The following PRKAR1A variants were observed in gnomAD, a reference collection of about 807,000 sequenced individuals.
The protein encoded by PRKAR1A is cAMP-dependent protein kinase type I-alpha regulatory subunit.
Under a neutral mutation model 52.0 loss-of-function variants are expected in PRKAR1A, and 3 were observed. The ratio of observed to expected loss-of-function variants is 0.06; its 90% confidence interval spans 0.03 to 0.15. The LOEUF (loss-of-function observed/expected upper bound fraction) is 0.15, where lower values mean the gene tolerates loss of function less well. Ranked by LOEUF, PRKAR1A falls within the 10% of genes least tolerant of loss-of-function variation. PRKAR1A has a pLI of 1.00. For missense variants in PRKAR1A, 240 were observed against 477.4 expected (o/e 0.50, Z 4.63); for synonymous variants, 188 against 168.4 (o/e 1.12, Z -0.90).
At chr17:68,501,647 G>A in the PRKAR1A span, among the ~76,000 whole-genome samples, 1 of 152,194 alleles carries the variant, frequency 6.6e-6, no homozygotes, top group South Asian at 2.1e-4. Context: ...TGTAGAGAGG[G>A]ACATCTCACT....
the PRKAR1A span, among the ~76,000 whole-genome samples, chr17:68,474,384 T>G: frequency 2.0e-5 from 3 of 152,196 alleles, no homozygotes; most frequent in African/African-American, 7.2e-5. Flanking sequence ...CTTTCTGCGT[T>G]GGACTCCCCA....
intron 11 of PRKAR1A, among the ~76,000 whole-genome samples, chr17:68,548,305 G>A (rs910353845): frequency 1.1e-4 from 16 of 151,802 alleles, no homozygotes; most frequent in East Asian, 5.8e-4. Context: ...TGAGGTGGGC[G>A]GATCACCTGA....
the PRKAR1A span, among the ~76,000 whole-genome samples, chr17:68,433,760 G>GTTTTT: frequency 4.4e-4 from 32 of 72,824 alleles, 4 homozygotes; most frequent in African/African-American, 2.0e-3. Context: ...AAGGGTCATA[G>GTTTTT]TTTTTTTTTT....
the PRKAR1A span, among the ~76,000 whole-genome samples, chr17:68,414,550 A>G: frequency 4.6e-5 from 7 of 152,146 alleles, no homozygotes; most frequent in African/African-American, 1.7e-4. Context: ...TCATAGAATG[A>G]ATTAGGGAGG....
the PRKAR1A span, chr17:68,427,548 G>A: frequency 4.5e-6 from 1 of 223,946 alleles, no homozygotes; most frequent in Non-Finnish European, 9.0e-6. Flanking sequence ...GTAGAGACTG[G>A]GTTTCACCAT....
chr17:68,550,221 TA>T (rs530004150), intron 11 of PRKAR1A, among the ~76,000 whole-genome samples: 324 of 152,292 alleles, frequency 2.1e-3, no homozygotes, highest in Non-Finnish European at 4.0e-3. Context: ...GCAATATTTC[TA>T]AATCTATATA....
At chr17:68,525,665 TTG>T in intron 6 of PRKAR1A, 87 bp from the exon 7 acceptor site, 1 of 1,388,906 alleles carries the variant, frequency 7.2e-7, no homozygotes, top group Middle Eastern at 1.9e-4. Flanking sequence ...AAGTTCAGGA[TTG>T]TGACCTTTTA....
the PRKAR1A span, among the ~76,000 whole-genome samples, chr17:68,424,131 C>T: frequency 6.6e-6 from 1 of 152,164 alleles, no homozygotes; most frequent in Admixed American, 6.5e-5. Context: ...GGTAAAACAA[C>T]TGGTTTATAG....
the PRKAR1A span, among the ~76,000 whole-genome samples, chr17:68,442,031 A>G: frequency 6.6e-6 from 1 of 152,174 alleles, no homozygotes; most frequent in Non-Finnish European, 1.5e-5. Context: ...CTTTACAAAC[A>G]ATATACACTG....
chr17:68,434,204 A>G, the PRKAR1A span, among the ~76,000 whole-genome samples: 1 of 152,146 alleles, frequency 6.6e-6, no homozygotes, highest in Non-Finnish European at 1.5e-5. Context: ...CCTACATCCG[A>G]TAAGATCCCA....
the PRKAR1A span, among the ~76,000 whole-genome samples, chr17:68,435,138 C>T: frequency 2.7e-5 from 4 of 149,956 alleles, no homozygotes; most frequent in East Asian, 5.9e-4. Flanking sequence ...ACCTGGGAGG[C>T]GGAGGTTGCA....
At chr17:68,424,872 G>A in the PRKAR1A span, among the ~76,000 whole-genome samples, 17 of 152,284 alleles carry the variant, frequency 1.1e-4, no homozygotes, top group African/African-American at 2.2e-4. Context: ...GCAAGACTCC[G>A]TCTCAAAAAC....
At chr17:68,439,621 G>A in the PRKAR1A span, among the ~76,000 whole-genome samples, 1 of 152,176 alleles carries the variant, frequency 6.6e-6, no homozygotes, top group South Asian at 2.1e-4. Flanking sequence ...AATTGTATAG[G>A]ATGTGAATTT....
At chr17:68,467,593 A>G in the PRKAR1A span, among the ~76,000 whole-genome samples, 3 of 152,212 alleles carry the variant, frequency 2.0e-5, no homozygotes, top group African/African-American at 7.2e-5. Context: ...TGTACTCTCA[A>G]GATCCCTGTG....
chr17:68,541,537 G>C (rs1600524275), intron 11 of PRKAR1A: 1 of 189,612 alleles, frequency 5.3e-6, no homozygotes, highest in Non-Finnish European at 1.1e-5. Flanking sequence ...TGGAGTACCT[G>C]CTATGTGCCA....
chr17:68,420,626 C>T, the PRKAR1A span: 22 of 821,416 alleles, frequency 2.7e-5, no homozygotes, highest in Admixed American at 5.5e-5. Flanking sequence ...CCCTCCTCCA[C>T]GCCGACCCGA....
chr17:68,548,889 C>T (rs898922462), intron 11 of PRKAR1A, among the ~76,000 whole-genome samples: 9 of 151,618 alleles, frequency 5.9e-5, no homozygotes, highest in Admixed American at 2.0e-4. Context: ...CCCACCACCA[C>T]GCCCGGCTAA....
rs959892335 is a variant in PRKAR1A, at chr17:68,533,314, C to T, written c.*2865C>T. ...GGAGATATGTTGTATGTTAGAAGAG[C>T]ATTCTTTAAATTGTGTTGCTTTGAA... On this transcript the variant is annotated 3_prime_UTR_variant, in exon 11 of 11. Transcript: ENST00000589228. 2.8e-6 allele frequency: 3 copies of T among 1,063,514 alleles called. No homozygotes were observed. The highest frequency in any genetic ancestry group is 1.6e-5 in the African/African-American group (1 of 61,116). The allele number at this position is 1,063,514 out of a possible 1,614,324, so 65.9% of individuals were successfully genotyped here.
At position 68,542,115 on chromosome 17, in the gene PRKAR1A, ACTC is replaced by A. The variant is rs1354076594; in HGVS notation, c.974-8967_974-8965del. On this transcript the variant is annotated intron_variant, in intron 11 of 11. Coordinates refer to the PRKAR1A transcript ENST00000585981. ...AGGTGTGGGTTGCCACAGACAGCAT[ACTC>A]CGTCTTGCACATGTATGGACACTTG... The A allele has an allele frequency of 3.7e-6, 6 of 1,613,974 alleles. No individual in the cohort carries two copies. The highest frequency in any genetic ancestry group is 5.1e-6 in the Non-Finnish European group (6 of 1,180,016).
Sources: allele counts gnomAD v4.1 joint callset (sites outside exome capture counted in the v4.1 genomes callset), GRCh38; gene constraint gnomAD v4.1.1; transcripts MANE v1.5; gene names NCBI Gene and HGNC (gene_info 2026-07-23, HGNC 2026-07-21).